RNGTT: variants seen among roughly 807,000 people sequenced by gnomAD.
RNGTT encodes mRNA-capping enzyme.
In RNGTT, 33 loss-of-function variants were observed where a neutral mutation model predicts 79.3. The ratio of observed to expected loss-of-function variants is 0.42; its 90% CI spans 0.32 to 0.56. The LOEUF is 0.56. Ranked by LOEUF, RNGTT falls within the 20% of genes least tolerant of loss-of-function variation. RNGTT has a pLI of 0.17. For missense variants in RNGTT, 497 were observed against 739.1 expected (o/e 0.67, Z 3.80); for synonymous variants, 222 against 235.9 (o/e 0.94, Z 0.54).
chr6:88,837,757 A>C (rs1490102957), intron 11 of RNGTT, among the ~76,000 whole-genome samples: 1 of 152,130 alleles, frequency 6.6e-6, no homozygotes, highest in Non-Finnish European at 1.5e-5. Flanking sequence ...ATTTGACCAA[A>C]CTGAACACCC....
At chr6:88,930,734 A>G (rs1308554691) in intron 2 of RNGTT, among the ~76,000 whole-genome samples, 1 of 152,154 alleles carries the variant, frequency 6.6e-6, no homozygotes, top group East Asian at 1.9e-4. Context: ...CCGGTAAGAA[A>G]GAGCTCACCA....
intron 13 of RNGTT, among the ~76,000 whole-genome samples, chr6:88,679,885 TAAA>T (rs1445232479): frequency 1.3e-5 from 2 of 152,148 alleles, no homozygotes; most frequent in East Asian, 3.9e-4. Flanking sequence ...CGATTACACA[TAAA>T]GAAGAAGAAA....
chr6:88,806,161 T>C (rs972516860), intron 11 of RNGTT, among the ~76,000 whole-genome samples: 1 of 151,604 alleles, frequency 6.6e-6, no homozygotes, highest in Admixed American at 6.6e-5. Flanking sequence ...CACACACACA[T>C]ACACAAAGGA....
intron 12 of RNGTT, among the ~76,000 whole-genome samples, chr6:88,787,426 C>T (rs891488072): frequency 2.6e-5 from 4 of 151,904 alleles, no homozygotes; most frequent in Non-Finnish European, 4.4e-5. Context: ...TTTGGGAGGC[C>T]GAGGTGGGCG....
Position 88,611,024 on chromosome 6 carries a change from A to G in RNGTT, c.*1695T>C, listed in dbSNP as rs1772003463. 6.6e-6 allele frequency: 1 copy of G among 152,174 alleles called. No homozygotes were observed. The highest frequency in any genetic ancestry group is 2.4e-5 in the African/African-American group (1 of 41,454). 9.4% of individuals were successfully genotyped at this position (152,174 alleles called of 1,614,324 possible). On this transcript the variant is annotated 3_prime_UTR_variant, in exon 16 of 16. Coordinates refer to ENST00000369485, the MANE Select transcript of RNGTT (RefSeq NM_003800.5). ...TCCCTCCTTCAATAGTCATTGTGGC[A>G]TCAGTTGTTTTAATCCCTTTAGCGC... is the stretch of plus-strand genomic sequence containing the variant.
In RNGTT at chr6:88,614,303, T is replaced by C; in HGVS notation, c.1599A>G (p.Lys533=). The change falls in exon 15 of 16, where the codon AAA becomes AAG. Residue 533 remains lysine, a synonymous_variant. Transcript: ENST00000369485. ...CAGTGTTGTAGGCATTAGGAAAACT[T>C]TTGTCTGTTCTCTGTCTCATGAAGA... The part of the protein sequence containing the change: ...SWVFMRQRTD[K]SFPNAYNTAM... 2 of 1,613,934 alleles carry C rather than the reference T, an allele frequency of 1.2e-6. No individual in the cohort carries two copies. Among genetic ancestry groups the C allele is most frequent in the South Asian group, 2.2e-5 (2 of 91,076 alleles).
rs1035517042 is a variant in RNGTT, at chr6:88,806,992, G to A, written c.1270-5360C>T. 3.3e-5 allele frequency among the ~76,000 whole-genome samples: 5 copies of A among 152,060 alleles called. No individual in the cohort carries two copies. The East Asian group carries it at 5.8e-4, about 18-fold the overall frequency. On this transcript the variant is annotated intron_variant, in intron 11 of 15. Coordinates refer to ENST00000369485, the MANE Select transcript of RNGTT (RefSeq NM_003800.5). ...ATCCTCGGCAAACTAACGTAGGAAC[G>A]AAAAAACAAAACACTGAATGTCCTC... is the stretch of plus-strand genomic sequence containing the variant.
chr6:88,643,108 T>C (rs143917264), intron 14 of RNGTT, among the ~76,000 whole-genome samples: 10 of 152,278 alleles, frequency 6.6e-5, no homozygotes, highest in East Asian at 5.8e-4. Context: ...CAGCTTAGCA[T>C]AGCCTACCTT....
intron 14 of RNGTT, among the ~76,000 whole-genome samples, chr6:88,640,340 A>G (rs189678452): frequency 1.1e-3 from 160 of 150,696 alleles, no homozygotes; most frequent in Non-Finnish European, 1.6e-3. Context: ...ACTTCAGCTC[A>G]GGAGTTTGAG....
In RNGTT at chr6:88,610,465, T is replaced by C. The variant is rs1391418618; in HGVS notation, c.*2254A>G. 6.6e-6 allele frequency: 1 copy of C among 152,430 alleles called. No individual in the cohort carries two copies. Among genetic ancestry groups the C allele is most frequent in the Non-Finnish European group, 1.5e-5 (1 of 68,024 alleles). 9.4% of individuals were successfully genotyped at this position (152,430 alleles called of 1,614,324 possible). On this transcript the variant is annotated 3_prime_UTR_variant, in exon 16 of 16. Transcript: ENST00000369485. ...AGAAAGCAAAGTTTTCTTATTCTTG[T>C]CTAAAAAACTTCAGTCTCAGAAAAT... is the stretch of plus-strand genomic sequence containing the variant.
chr6:88,742,202 G>A (rs1198342635), intron 13 of RNGTT, among the ~76,000 whole-genome samples: 1 of 152,168 alleles, frequency 6.6e-6, no homozygotes, highest in Non-Finnish European at 1.5e-5. Context: ...ACATGTATCG[G>A]ATAAAGGTAG....
At chr6:88,956,678 A>G (rs913691679) in intron 1 of RNGTT, among the ~76,000 whole-genome samples, 5 of 152,230 alleles carry the variant, frequency 3.3e-5, no homozygotes, top group African/African-American at 7.2e-5. Context: ...AGCATATCAA[A>G]AAGGTAATAC....
intron 11 of RNGTT, among the ~76,000 whole-genome samples, chr6:88,836,609 A>G (rs1194702583): frequency 6.6e-6 from 1 of 151,898 alleles, no homozygotes; most frequent in East Asian, 1.9e-4. Flanking sequence ...GGGCATGATA[A>G]CACGTGCTTA....
chr6:88,923,327 C>T (rs10944413), intron 4 of RNGTT, among the ~76,000 whole-genome samples: 36,592 of 152,108 alleles, frequency 0.24, 5,237 homozygotes, highest in Non-Finnish European at 0.32. Flanking sequence ...TTATGTCCAT[C>T]TCTGACTACT....
At chr6:88,683,148 T>C (rs1582324728) in intron 13 of RNGTT, among the ~76,000 whole-genome samples, 1 of 152,042 alleles carries the variant, frequency 6.6e-6, no homozygotes, top group East Asian at 1.9e-4. Context: ...CAGAAATTCA[T>C]GAAACGGAAA....
intron 8 of RNGTT, among the ~76,000 whole-genome samples, chr6:88,883,887 T>G (rs1184939555): frequency 6.6e-6 from 1 of 152,172 alleles, no homozygotes; most frequent in Non-Finnish European, 1.5e-5. Flanking sequence ...ACAAAAAAGA[T>G]AAGTATAGCC....
intron 1 of RNGTT, among the ~76,000 whole-genome samples, chr6:88,943,499 T>C (rs1472550339): frequency 6.6e-6 from 1 of 151,858 alleles, no homozygotes; most frequent in African/African-American, 2.4e-5. Flanking sequence ...GTTTAACAGA[T>C]ATATAGTGGG....
At chr6:88,729,068 G>GCT (rs1328651354) in intron 13 of RNGTT, among the ~76,000 whole-genome samples, 1 of 152,138 alleles carries the variant, frequency 6.6e-6, no homozygotes, top group African/African-American at 2.4e-5. Flanking sequence ...ATCATGCCAA[G>GCT]CTCGCTCTCT....
In RNGTT at chr6:88,849,952, G is replaced by C. The variant is rs1415558279; in HGVS notation, c.1033-126C>G. On this transcript the variant is annotated intron_variant, in intron 9 of 15. Transcript: ENST00000369485. ...ATATACAACTTGATGAAATTTCAAA[G>C]TGAACACACTTGTACCCAGATCATA... The C allele has an allele frequency of 1.7e-5, 15 of 882,596 alleles. No homozygotes were observed. In the Admixed American group the frequency reaches 6.4e-4, roughly 38 times the overall value. The allele number at this position is 882,596 out of a possible 1,614,324, so 54.7% of individuals were successfully genotyped here.
Sources: allele counts gnomAD v4.1 joint callset (sites outside exome capture counted in the v4.1 genomes callset), GRCh38; gene constraint gnomAD v4.1.1; transcripts MANE v1.5; gene names NCBI Gene and HGNC (gene_info 2026-07-23, HGNC 2026-07-21).